Variants in RALGDS observed in about 807,000 individuals in gnomAD.
The protein encoded by RALGDS is ral guanine nucleotide dissociation stimulator.
RALGDS carries 44 observed loss-of-function variants against 99.8 expected under a neutral mutation model. The ratio of observed to expected loss-of-function variants is 0.44; its 90% CI spans 0.35 to 0.57. RALGDS has a LOEUF of 0.57. Among genes scored for constraint, RALGDS ranks in the 20% least tolerant of loss-of-function variants. The pLI is 0.01. For synonymous variants in RALGDS, 529 were observed against 505.0 expected, an observed-to-expected ratio of 1.05 and a Z score of -0.64; for missense variants, 1,022 against 1,203.1, an observed-to-expected ratio of 0.85 and a Z score of 2.23.
intron 1 of RALGDS, among the ~76,000 whole-genome samples, chr9:133,113,487 G>A (rs541432813): frequency 3.9e-5 from 6 of 152,188 alleles, no homozygotes; most frequent in Non-Finnish European, 5.9e-5. Flanking sequence ...GACCGCCACC[G>A]CCTCTGGACA....
chr9:133,128,933 C>T lies in RALGDS; in HGVS notation c.132+2019G>A, dbSNP rs1281594108. ...GCTGGGGAGGCCAAGCGTGTGCACA[C>T]GGGCACCAGCAGCAGAGCAGACCCC... On this transcript the variant is annotated intron_variant, in intron 1 of 17. Coordinates refer to the RALGDS transcript ENST00000372062. Among the ~76,000 whole-genome samples the T allele has an allele frequency of 3.9e-5, 6 of 152,200 alleles. No individual in the cohort carries two copies. In the East Asian group the frequency reaches 9.6e-4, roughly 24 times the overall value.
At chr9:133,119,931 C>T (rs147073055) in intron 1 of RALGDS, among the ~76,000 whole-genome samples, 102 of 152,290 alleles carry the variant, frequency 6.7e-4, no homozygotes, top group Admixed American at 2.0e-3. Context: ...AATCACAACG[C>T]GCCACAGTCT....
chr9:133,107,462 G>A (rs1275623059), intron 6 of RALGDS, among the ~76,000 whole-genome samples, 162 bp from the exon 7 acceptor site: 1 of 152,232 alleles, frequency 6.6e-6, no homozygotes, highest in East Asian at 1.9e-4. Context: ...ACGCTGGTGG[G>A]AAGAAGAGGA....
intron 1 of RALGDS, 147 bp from the exon 2 acceptor site, chr9:133,112,299 C>T (rs1314181858): frequency 3.0e-6 from 2 of 673,246 alleles, no homozygotes; most frequent in Non-Finnish European, 5.4e-6. Context: ...GGAATGAGAT[C>T]ACAGCTCGAG....
At chr9:133,104,492 C>T (rs1451582848) in intron 9 of RALGDS, 161 bp from the exon 10 acceptor site, 2 of 672,030 alleles carry the variant, frequency 3.0e-6, no homozygotes, top group East Asian at 5.5e-5. Flanking sequence ...CTGAGCCTGC[C>T]TCCCCCTCTG....
chr9:133,128,588 C>T (rs1832235939), intron 1 of RALGDS, among the ~76,000 whole-genome samples: 1 of 152,142 alleles, frequency 6.6e-6, no homozygotes, highest in African/African-American at 2.4e-5. Context: ...TGTCACAGCA[C>T]AGGGGGCCTT....
Position 133,121,159 on chromosome 9 carries a change from G to A in RALGDS, c.-5C>T, listed in dbSNP as rs1201045808. 6 of 1,189,422 alleles carry A rather than the reference G, an allele frequency of 5.0e-6. No homozygotes were observed. In the East Asian group the frequency reaches 1.8e-4, roughly 37 times the overall value. 73.7% of individuals were successfully genotyped at this position (1,189,422 alleles called of 1,614,324 possible). ...GGCCCACATGCGCTGCACCATGGAA[G>A]GCTCGCAGCGCGGGCGCGGGGCCGG... On this transcript the variant is annotated 5_prime_UTR_variant, in exon 1 of 18. Transcript: ENST00000372050.
Position 133,126,332 on chromosome 9 carries a change from C to T in RALGDS, c.132+4620G>A, listed in dbSNP as rs1832160488. ...AGTCGGGACGCTGCTCGCAGAGGAACTTTAAAAGGCAGGCTGTGAACTGAC... is the reference window on the plus strand; with the variant it reads ...AGTCGGGACGCTGCTCGCAGAGGAATTTTAAAAGGCAGGCTGTGAACTGAC... On this transcript the variant is annotated intron_variant, in intron 1 of 17. Transcript: ENST00000372062. Among the ~76,000 whole-genome samples, 6 of 152,318 alleles carry T rather than the reference C, an allele frequency of 3.9e-5. No individual in the cohort carries two copies. In the South Asian group the frequency reaches 1.2e-3, roughly 32 times the overall value.
At chr9:133,102,199 C>A (rs76832424) in intron 14 of RALGDS, 60 bp from the exon 15 acceptor site, 1 of 1,505,234 alleles carries the variant, frequency 6.6e-7, no homozygotes, top group Non-Finnish European at 9.0e-7. Flanking sequence ...AACCCCACAG[C>A]CCCTGCACCC....
chr9:133,129,591 G>A (rs964695424), intron 1 of RALGDS, among the ~76,000 whole-genome samples: 10 of 152,072 alleles, frequency 6.6e-5, no homozygotes, highest in African/African-American at 1.9e-4. Context: ...CCCCTGTGTC[G>A]GGGGCCTGGA....
At chr9:133,120,949 C>G (rs1342827254) in intron 1 of RALGDS, 23 bp downstream of exon 1, 8 of 1,474,770 alleles carry the variant, frequency 5.4e-6, no homozygotes, top group Non-Finnish European at 7.2e-6. Context: ...GCACCCCCCG[C>G]CCGACCGCCC....
chr9:133,124,544 GAC>G (rs1332970731), upstream of RALGDS, among the ~76,000 whole-genome samples: 6 of 151,806 alleles, frequency 4.0e-5, no homozygotes. Context: ...GTTTGAGATA[GAC>G]ACAGACACAC....
Position 133,110,472 on chromosome 9 carries a change from G to A in RALGDS, c.312C>T (p.Ala104=). Residue 104 remains alanine (A), a synonymous_variant, in exon 3 of 18, where the codon GCC becomes GCT. Transcript: ENST00000372050. ...QRWLGYENES[A]LNLYETCKVR... Reference sequence around the variant, plus strand: ...CCTTGCAAGTCTCATAAAGGTTCAGGGCCGACTCATTCTCATACTGGGGTG... The same window carrying A: ...CCTTGCAAGTCTCATAAAGGTTCAGAGCCGACTCATTCTCATACTGGGGTG... 3 of 1,612,770 alleles carry A rather than the reference G, an allele frequency of 1.9e-6. No homozygotes were observed. Among genetic ancestry groups the A allele is most frequent in the Non-Finnish European group, 2.5e-6 (3 of 1,179,544 alleles).
At chr9:133,109,336 C>T (rs1017295924) in intron 4 of RALGDS, among the ~76,000 whole-genome samples, 5 of 152,194 alleles carry the variant, frequency 3.3e-5, no homozygotes, top group African/African-American at 9.7e-5. Flanking sequence ...TGCCAGGGGC[C>T]CCTAGATCAG....
intron 1 of RALGDS, 92 bp downstream of exon 1, chr9:133,120,880 G>A (rs1325185503): frequency 7.6e-7 from 1 of 1,312,290 alleles, no homozygotes; most frequent in Non-Finnish European, 9.8e-7. Flanking sequence ...GGATCGCCCG[G>A]CCCCGTCCGG....
chr9:133,131,046 G>T, exon 1 of RALGDS: 2 of 1,531,556 alleles, frequency 1.3e-6, no homozygotes, highest in Non-Finnish European at 1.7e-6. Context: ...GGAGGAGAGG[G>T]TGTGGGCAGG....
At position 133,102,033 on chromosome 9, in the gene RALGDS, C is replaced by T. The variant is rs755889399; in HGVS notation, c.2116G>A (p.Ala706Thr). Residue 706 changes from alanine to threonine, a missense_variant, in exon 15 of 18, where the codon GCG (alanine) becomes ACG (threonine). By Grantham distance (58) the Ala-to-Thr change is moderately conservative. Transcript: ENST00000372050. The part of the protein sequence containing the change: ...PYLSSGDIAD[A>T]LSVHSAGSSS... ...GAGCCGGCCGAGTGCACGCTGAGCG[C>T]GTCAGCGATGTCCCCGCTGCTGAGG... 64 of 1,556,250 alleles carry T rather than the reference C, an allele frequency of 4.1e-5. No individual in the cohort carries two copies. The highest frequency in any genetic ancestry group is 5.2e-5 in the Non-Finnish European group (60 of 1,149,622).
intron 1 of RALGDS, among the ~76,000 whole-genome samples, chr9:133,120,428 A>ATCCC (rs1831862835): frequency 1.7e-5 from 1 of 59,994 alleles, no homozygotes; most frequent in Non-Finnish European, 3.4e-5. Context: ...CCATCCCCCG[A>ATCCC]CCCCCCCCCC....
At chr9:133,127,707 G>C (rs1166908487) in intron 1 of RALGDS, among the ~76,000 whole-genome samples, 1 of 152,230 alleles carries the variant, frequency 6.6e-6, no homozygotes, top group East Asian at 1.9e-4. Context: ...GCAACCTCTG[G>C]TGGCTTCTTC....
Sources: gnomAD v4.1 joint callset for allele counts (sites outside exome capture counted in the v4.1 genomes callset) on GRCh38, gnomAD v4.1.1 for gene constraint, MANE v1.5 for transcripts, NCBI Gene and HGNC (gene_info 2026-07-23, HGNC 2026-07-21) for gene names.